Variants in CCSER1 observed in about 807,000 individuals in gnomAD.
The protein encoded by CCSER1 is serine-rich coiled-coil domain-containing protein 1.
In CCSER1, 41 loss-of-function variants were observed where a neutral mutation model predicts 82.0. That is an observed-to-expected ratio of 0.50 (90% CI 0.39 to 0.65). The LOEUF is 0.65. Ranked by LOEUF, CCSER1 falls within the 30% of genes least tolerant of loss-of-function variation. The pLI is 0.00. For synonymous variants in CCSER1, 414 were observed against 383.9 expected (o/e 1.08, Z -0.92); for missense variants, 1,119 against 1,064.2 (o/e 1.05, Z -0.72).
chr4:90,723,266 A>C (rs1743005763), intron 6 of CCSER1, among the ~76,000 whole-genome samples: 5 of 151,944 alleles, frequency 3.3e-5, no homozygotes, highest in Admixed American at 3.3e-4. Context: ...AAGACGTTTT[A>C]ATTGATTTTA....
intron 5 of CCSER1, among the ~76,000 whole-genome samples, chr4:90,503,395 T>G (rs760405309): frequency 6.6e-6 from 1 of 152,190 alleles, no homozygotes; most frequent in Non-Finnish European, 1.5e-5. Flanking sequence ...GGACCAAAAT[T>G]TAGAAAGATT....
chr4:90,490,077 T>G (rs946992027), intron 5 of CCSER1, among the ~76,000 whole-genome samples: 22 of 152,210 alleles, frequency 1.4e-4, no homozygotes, highest in African/African-American at 2.2e-4. Flanking sequence ...TCTAGTTCGA[T>G]ATCCCTGAGG....
rs70963065 is a variant in CCSER1 at position 90,391,504 on chromosome 4, A to AATATATATATATAT, written c.1510-8518_1510-8505dup. Among the ~76,000 whole-genome samples the AATATATATATATAT allele has an allele frequency of 5.5e-3, 439 of 79,372 alleles. 9 individuals carry two copies. Among genetic ancestry groups the AATATATATATATAT allele is most frequent in the East Asian group, 0.025 (54 of 2,132 alleles). The allele number at this position is 79,372 out of a possible 152,430, so 52.1% of individuals were successfully genotyped here. A position where few individuals can be genotyped will look rare whatever the true frequency, so the allele number is the denominator to read the frequency against. On this transcript the variant is annotated intron_variant, in intron 3 of 10. Transcript: ENST00000509176. ...TATATATACACACACACAGTGGGTA[A>AATATATATATATAT]ATATATATATATATATATATATATA...
chr4:90,480,375 A>T (rs1427069026), intron 5 of CCSER1, among the ~76,000 whole-genome samples: 1 of 152,122 alleles, frequency 6.6e-6, no homozygotes, highest in East Asian at 1.9e-4. Flanking sequence ...GAAACTCTTT[A>T]GCTTAATTAG....
chr4:90,289,605 C>A (rs1316906567), intron 1 of CCSER1, among the ~76,000 whole-genome samples: 1 of 151,790 alleles, frequency 6.6e-6, no homozygotes, highest in Non-Finnish European at 1.5e-5. Flanking sequence ...TTTGTACAAT[C>A]TTAATTTGTA....
intron 10 of CCSER1, among the ~76,000 whole-genome samples, chr4:91,419,327 A>G (rs1374889900): frequency 2.0e-5 from 3 of 152,056 alleles, no homozygotes; most frequent in Non-Finnish European, 4.4e-5. Flanking sequence ...TATATAGCAA[A>G]CCCTGAAAAT....
intron 9 of CCSER1, among the ~76,000 whole-genome samples, chr4:90,982,529 A>G (rs1463005210): frequency 1.3e-5 from 2 of 151,790 alleles, no homozygotes; most frequent in African/African-American, 4.8e-5. Context: ...CCAGAATGGG[A>G]AAGATATTAT....
chr4:91,032,112 T>C (rs1741033782), intron 9 of CCSER1, among the ~76,000 whole-genome samples: 1 of 152,030 alleles, frequency 6.6e-6, no homozygotes, highest in Non-Finnish European at 1.5e-5. Flanking sequence ...AAAACAAAAA[T>C]GTGCTTTTTT....
At chr4:90,248,563 A>G (rs923158632) in intron 1 of CCSER1, among the ~76,000 whole-genome samples, 2 of 152,128 alleles carry the variant, frequency 1.3e-5, no homozygotes, top group African/African-American at 4.8e-5. Flanking sequence ...AATGTTGGGT[A>G]TGCGCCACCA....
intron 10 of CCSER1, among the ~76,000 whole-genome samples, chr4:91,418,921 G>C (rs993017204): frequency 6.6e-5 from 10 of 151,492 alleles, no homozygotes; most frequent in African/African-American, 2.2e-4. Context: ...TTATCCATGG[G>C]GTACAAGTAT....
intron 9 of CCSER1, among the ~76,000 whole-genome samples, chr4:90,942,442 A>G (rs1334371836): frequency 6.6e-6 from 1 of 152,128 alleles, no homozygotes; most frequent in Non-Finnish European, 1.5e-5. Context: ...AGCCTTTTTT[A>G]AAATTATTTT....
intron 9 of CCSER1, among the ~76,000 whole-genome samples, chr4:91,004,550 G>T (rs529198978): frequency 5.1e-4 from 78 of 152,274 alleles, no homozygotes; most frequent in African/African-American, 1.8e-3. Flanking sequence ...AGTTCTATGT[G>T]CATGGCAAAT....
intron 10 of CCSER1, among the ~76,000 whole-genome samples, chr4:91,279,896 A>G (rs927877446): frequency 6.6e-6 from 1 of 152,014 alleles, no homozygotes; most frequent in Non-Finnish European, 1.5e-5. Flanking sequence ...ATATTTTTTA[A>G]TAAGAAAGGA....
intron 6 of CCSER1, among the ~76,000 whole-genome samples, chr4:90,685,364 G>C (rs1032076049): frequency 6.6e-6 from 1 of 152,062 alleles, no homozygotes; most frequent in African/African-American, 2.4e-5. Flanking sequence ...GACCCTGGTA[G>C]ATTTTTCAGA....
chr4:90,783,423 T>C (rs1394589641), intron 7 of CCSER1, among the ~76,000 whole-genome samples: 2 of 152,132 alleles, frequency 1.3e-5, no homozygotes, highest in African/African-American at 2.4e-5. Context: ...TAAATGGTAA[T>C]TCCGATGAAG....
chr4:90,655,018 T>C (rs1044681753), intron 6 of CCSER1, among the ~76,000 whole-genome samples: 2 of 152,048 alleles, frequency 1.3e-5, no homozygotes, highest in Non-Finnish European at 2.9e-5. Flanking sequence ...ATTCTAGCAA[T>C]TGTTTATATT....
chr4:91,325,357 C>A, intron 10 of CCSER1: 1 of 363,302 alleles, frequency 2.8e-6, no homozygotes. Context: ...CAATATCTTA[C>A]TGTTCATAAG....
At chr4:91,380,060 A>AG (rs1750757536) in intron 10 of CCSER1, among the ~76,000 whole-genome samples, 1 of 152,120 alleles carries the variant, frequency 6.6e-6, no homozygotes, top group Non-Finnish European at 1.5e-5. Flanking sequence ...AGCAGTTTTG[A>AG]GTGAGTTTCT....
intron 10 of CCSER1, among the ~76,000 whole-genome samples, chr4:91,226,237 A>G (rs1738196220): frequency 6.6e-6 from 1 of 151,988 alleles, no homozygotes; most frequent in African/African-American, 2.4e-5. Flanking sequence ...AATGCAAGGC[A>G]GCAAATGATG....
Sources: gnomAD v4.1 joint callset for allele counts (sites outside exome capture counted in the v4.1 genomes callset) on GRCh38, gnomAD v4.1.1 for gene constraint, MANE v1.5 for transcripts, NCBI Gene and HGNC (gene_info 2026-07-23, HGNC 2026-07-21) for gene names.